Variants in ST3GAL6 observed in about 807,000 individuals in gnomAD.
The protein encoded by ST3GAL6 is ST3 beta-galactoside alpha-2,3-sialyltransferase 6, also known as type 2 lactosamine alpha-2,3-sialyltransferase.
ST3GAL6 carries 31 observed loss-of-function variants against 40.5 expected under a neutral mutation model. The observed-to-expected ratio is 0.77, with a 90% CI of 0.58 to 1.03. ST3GAL6 has a LOEUF of 1.03. Ranked by LOEUF, ST3GAL6 falls within the 50% of genes least tolerant of loss-of-function variation. The pLI is 0.00. For missense variants in ST3GAL6, 357 were observed against 393.2 expected (o/e 0.91, Z 0.78); for synonymous variants, 129 against 136.9 (o/e 0.94, Z 0.40).
At chr3:98,744,218 C>G (rs1326242739) in intron 1 of ST3GAL6, among the ~76,000 whole-genome samples, 3 of 152,172 alleles carry the variant, frequency 2.0e-5, no homozygotes, top group Non-Finnish European at 4.4e-5. Context: ...CCTGCTAACA[C>G]CTTGATTTCA....
chr3:98,767,010 T>C (rs758686043), intron 1 of ST3GAL6, among the ~76,000 whole-genome samples: 3 of 152,246 alleles, frequency 2.0e-5, no homozygotes, highest in Non-Finnish European at 4.4e-5. Context: ...ATTAGAAGTA[T>C]GTGTGAACTA....
intron 5 of ST3GAL6, among the ~76,000 whole-genome samples, chr3:98,780,070 A>G (rs778476414): frequency 1.3e-5 from 2 of 152,226 alleles, no homozygotes; most frequent in Admixed American, 1.3e-4. Context: ...TTCCACACAT[A>G]AAAAGGCAGA....
chr3:98,768,309 C>A, intron 1 of ST3GAL6, 121 bp from the exon 2 acceptor site: 1 of 748,800 alleles, frequency 1.3e-6, no homozygotes. Flanking sequence ...ATGCCCACAT[C>A]ATTTTTTTCT....
chr3:98,743,000 CTTTTTTTTTTTT>C (rs71120599), intron 1 of ST3GAL6, among the ~76,000 whole-genome samples: 1,462 of 89,542 alleles, frequency 0.016, 34 homozygotes, highest in African/African-American at 0.061. Context: ...ATGCCAGGCT[CTTTTTTTTTTTT>C]TTTTTTTTTT....
chr3:98,777,986 A>G (rs1289149199), intron 5 of ST3GAL6, among the ~76,000 whole-genome samples: 1 of 152,174 alleles, frequency 6.6e-6, no homozygotes, highest in African/African-American at 2.4e-5. Flanking sequence ...CTTTCTCCTC[A>G]GTGGAAGTAC....
chr3:98,743,818 G>A (rs1243632470), intron 1 of ST3GAL6, among the ~76,000 whole-genome samples: 1 of 152,050 alleles, frequency 6.6e-6, no homozygotes, highest in Non-Finnish European at 1.5e-5. Context: ...TATTCTGAAT[G>A]ACCTAGGATA....
chr3:98,789,453 G>T (rs1390628841), intron 8 of ST3GAL6, among the ~76,000 whole-genome samples: 3 of 151,990 alleles, frequency 2.0e-5, no homozygotes, highest in Admixed American at 6.5e-5. Flanking sequence ...CTTTTTGTTT[G>T]TTCAGTATAA....
chr3:98,778,081 C>T (rs1205353442), intron 5 of ST3GAL6, among the ~76,000 whole-genome samples: 2 of 152,196 alleles, frequency 1.3e-5, no homozygotes, highest in Non-Finnish European at 2.9e-5. Context: ...CTCCCCATCC[C>T]CAACCACCAA....
At chr3:98,774,087 A>C in intron 5 of ST3GAL6, 104 bp downstream of exon 5, 1 of 1,007,992 alleles carries the variant, frequency 9.9e-7, no homozygotes, top group South Asian at 1.5e-5. Flanking sequence ...GGAAAATTTC[A>C]TAGCGTTTGT....
At chr3:98,767,067 G>A (rs1019922899) in intron 1 of ST3GAL6, among the ~76,000 whole-genome samples, 1 of 152,212 alleles carries the variant, frequency 6.6e-6, no homozygotes, top group Non-Finnish European at 1.5e-5. Flanking sequence ...TCCTGACATA[G>A]TTTTCATTTC....
At chr3:98,781,410 C>A (rs573329282) in intron 5 of ST3GAL6, among the ~76,000 whole-genome samples, 2 of 151,304 alleles carry the variant, frequency 1.3e-5, no homozygotes, top group Non-Finnish European at 2.9e-5. Flanking sequence ...CAAACCACCA[C>A]GGCACTTGTA....
chr3:98,751,284 G>A (rs1375178198), intron 1 of ST3GAL6, among the ~76,000 whole-genome samples: 1 of 152,142 alleles, frequency 6.6e-6, no homozygotes, highest in Non-Finnish European at 1.5e-5. Context: ...ATAGTGGATA[G>A]AAGATGATGG....
At chr3:98,773,837 G>A in intron 4 of ST3GAL6, 83 bp from the exon 5 acceptor site, 1 of 1,094,316 alleles carries the variant, frequency 9.1e-7, no homozygotes, top group Non-Finnish European at 1.4e-6. Context: ...AAATGGGTTT[G>A]TGTGGGAGGG....
chr3:98,771,500 T>A (rs114591787), intron 3 of ST3GAL6, among the ~76,000 whole-genome samples: 94 of 152,368 alleles, frequency 6.2e-4, no homozygotes, highest in Non-Finnish European at 9.8e-4. Context: ...ACTTTGACTT[T>A]GACAGATTGC....
At chr3:98,742,945 C>T (rs62278471) in intron 1 of ST3GAL6, among the ~76,000 whole-genome samples, 44,173 of 149,752 alleles carry the variant, frequency 0.29, 6,898 homozygotes, top group South Asian at 0.41. Context: ...GGTGATCTGC[C>T]CGACTCAGCC....
At chr3:98,784,602 A>G in intron 5 of ST3GAL6, 1 of 206,736 alleles carries the variant, frequency 4.8e-6, no homozygotes, top group Non-Finnish European at 9.9e-6. Context: ...ACTTTGGAGT[A>G]TGACTTTAAA....
chr3:98,779,172 C>T (rs913833220), intron 5 of ST3GAL6, among the ~76,000 whole-genome samples: 15 of 152,128 alleles, frequency 9.9e-5, no homozygotes, highest in Admixed American at 6.5e-5. Flanking sequence ...TTTGTTATCA[C>T]GTGTCAATGT....
intron 5 of ST3GAL6, among the ~76,000 whole-genome samples, chr3:98,777,413 C>G (rs185223246): frequency 5.3e-5 from 8 of 152,340 alleles, no homozygotes; most frequent in Admixed American, 2.0e-4. Flanking sequence ...ACTCCTCCCC[C>G]TCCCCCAGAA....
intron 9 of ST3GAL6, 146 bp downstream of exon 9, chr3:98,792,139 CAAGGG>C: frequency 1.5e-6 from 1 of 682,830 alleles, no homozygotes; most frequent in Non-Finnish European, 2.2e-6. Flanking sequence ...ACAGGGCTAC[CAAGGG>C]CTGTAACTAG....
Sources: allele counts gnomAD v4.1 joint callset (sites outside exome capture counted in the v4.1 genomes callset), GRCh38; gene constraint gnomAD v4.1.1; transcripts MANE v1.5; gene names NCBI Gene and HGNC (gene_info 2026-07-23, HGNC 2026-07-21).